MAGI2: variants seen among roughly 807,000 people sequenced by gnomAD.
MAGI2 encodes membrane-associated guanylate kinase, WW and PDZ domain-containing protein 2.
A neutral mutation model predicts 133.3 loss-of-function variants in MAGI2; 35 were observed. The observed-to-expected ratio is 0.26, with a 90% confidence interval of 0.20 to 0.35. The LOEUF is 0.35. MAGI2 is among the 10% of genes least tolerant of loss of function. The pLI is 1.00. For missense variants in MAGI2, 1,636 were observed against 1,863.4 expected, an observed-to-expected ratio of 0.88 and a Z score of 2.25; for synonymous variants, 729 against 710.6, an observed-to-expected ratio of 1.03 and a Z score of -0.41.
intron 1 of MAGI2, among the ~76,000 whole-genome samples, chr7:79,027,060 G>T (rs1809964028): frequency 6.6e-6 from 1 of 152,058 alleles, no homozygotes; most frequent in East Asian, 1.9e-4. Context: ...AAGTGTTGGT[G>T]GGGATGTGGT....
At chr7:78,469,523 G>A (rs1790973937) in intron 6 of MAGI2, among the ~76,000 whole-genome samples, 1 of 152,134 alleles carries the variant, frequency 6.6e-6, no homozygotes, top group East Asian at 1.9e-4. Flanking sequence ...TAATGAGACA[G>A]TATTGCTTTT....
chr7:78,981,860 T>G (rs1804817502), intron 2 of MAGI2, among the ~76,000 whole-genome samples: 1 of 151,902 alleles, frequency 6.6e-6, no homozygotes, highest in African/African-American at 2.4e-5. Flanking sequence ...GAAGCATATA[T>G]TTCTCATGGA....
intron 2 of MAGI2, among the ~76,000 whole-genome samples, chr7:78,629,746 C>T: frequency 6.6e-6 from 1 of 152,054 alleles, no homozygotes; most frequent in East Asian, 1.9e-4. Flanking sequence ...ATATTCCCAA[C>T]ATTTTCTATA....
intron 1 of MAGI2, among the ~76,000 whole-genome samples, chr7:79,061,323 G>A (rs896376300): frequency 3.3e-5 from 5 of 150,052 alleles, no homozygotes; most frequent in African/African-American, 9.8e-5. Flanking sequence ...TTTTTTTCTC[G>A]GGCCTTTCAT....
rs142931086 is a variant in MAGI2 at position 78,026,724 on chromosome 7, T to G, written c.3707-6748A>C. 6.7e-3 allele frequency among the ~76,000 whole-genome samples: 1,013 copies of G among 152,298 alleles called. 10 individuals carry two copies. The highest frequency in any genetic ancestry group is 0.023 in the African/African-American group (972 of 41,568). ...TGTCAGCTGTCCCATACCTCACCAG[T>G]GGCCTCAGGGCATCCAGCTTCAGGC... On this transcript the variant is annotated intron_variant, in intron 21 of 21. Transcript: ENST00000354212.
At chr7:79,003,680 A>G (rs1335566464) in intron 2 of MAGI2, among the ~76,000 whole-genome samples, 2 of 152,216 alleles carry the variant, frequency 1.3e-5, no homozygotes, top group East Asian at 1.9e-4. Context: ...TCATGGACAC[A>G]CTTCTACTGC....
At position 79,214,442 on chromosome 7, in the gene MAGI2, T is replaced by TATATATATATAA. The variant is rs1374232866; in HGVS notation, c.302-207237_302-207236insTTATATATATAT. 3.7e-4 allele frequency among the ~76,000 whole-genome samples: 41 copies of TATATATATATAA among 110,576 alleles called. 2 individuals carry two copies. The highest frequency in any genetic ancestry group is 6.4e-4 in the Non-Finnish European group (34 of 53,044). The allele number at this position is 110,576 out of a possible 152,430, so 72.5% of individuals were successfully genotyped here. ...ATATATATATATATATATATATATA[T>TATATATATATAA]AAATATGCACACACACACAAACATA... is the stretch of plus-strand genomic sequence containing the variant. On this transcript the variant is annotated intron_variant, in intron 1 of 21. Transcript: ENST00000354212.
intron 1 of MAGI2, among the ~76,000 whole-genome samples, chr7:79,106,726 A>G (rs10230267): frequency 0.039 from 5,916 of 152,284 alleles, 183 homozygotes; most frequent in Admixed American, 0.075. Flanking sequence ...GTGAAAATAA[A>G]TACATCCCAA....
intron 4 of MAGI2, among the ~76,000 whole-genome samples, chr7:78,506,104 G>A (rs553657761): frequency 2.6e-5 from 4 of 152,284 alleles, no homozygotes; most frequent in Admixed American, 1.3e-4. Flanking sequence ...GGATTTGAGG[G>A]TGGCAAGAGT....
chr7:78,314,251 T>A (rs1787177780), intron 9 of MAGI2, among the ~76,000 whole-genome samples: 1 of 152,216 alleles, frequency 6.6e-6, no homozygotes, highest in South Asian at 2.1e-4. Context: ...TTATATGATA[T>A]ACTCATAGGA....
rs372084737 is a variant in MAGI2 at position 78,357,608 on chromosome 7, G to C, written c.1103+11548C>G. 3.1e-4 allele frequency among the ~76,000 whole-genome samples: 47 copies of C among 152,324 alleles called. 1 individual carries two copies. In the East Asian group the frequency reaches 4.4e-3, roughly 14 times the overall value. On this transcript the variant is annotated intron_variant, in intron 7 of 21. Transcript: ENST00000354212. ...CCTTCATAGCTGAGTGTTGTGCTTA[G>C]TGGAAAGTTGAATTAAGATCTTTAC...
intron 6 of MAGI2, among the ~76,000 whole-genome samples, chr7:78,460,247 G>A (rs1179599401): frequency 1.3e-5 from 2 of 152,092 alleles, no homozygotes; most frequent in Non-Finnish European, 2.9e-5. Flanking sequence ...AAACAACTGA[G>A]TGCGCGAATC....
intron 9 of MAGI2, among the ~76,000 whole-genome samples, chr7:78,322,303 A>G (rs191838940): frequency 2.6e-5 from 4 of 152,312 alleles, no homozygotes; most frequent in African/African-American, 9.6e-5. Flanking sequence ...ATAAAGACAC[A>G]TTCACCCATA....
intron 3 of MAGI2, chr7:78,617,465 G>A (rs898605100): frequency 1.3e-5 from 2 of 151,868 alleles, no homozygotes; most frequent in East Asian, 1.9e-4. Flanking sequence ...AACCTATAAC[G>A]GATCTAAGAG....
rs1807544178 is a variant in MAGI2, at chr7:79,007,209, A to G, written c.302-3T>C. The G allele has an allele frequency of 1.3e-6, 2 of 1,570,180 alleles. No homozygotes were observed. The highest frequency in any genetic ancestry group is 1.4e-5 in the African/African-American group (1 of 72,898). On this transcript the variant is annotated splice_polypyrimidine_tract_variant and splice_region_variant and intron_variant, in intron 1 of 21. Coordinates refer to ENST00000354212, the MANE Select transcript of MAGI2 (RefSeq NM_012301.4). Reference sequence around the variant, plus strand: ...AAGGTCTTTATCAACAATTCCTCCTAAAAATAAAAAAAGTTTCTTGGTAAG... The same window carrying G: ...AAGGTCTTTATCAACAATTCCTCCTGAAAATAAAAAAAGTTTCTTGGTAAG...
intron 7 of MAGI2, chr7:78,359,558 T>A (rs777560459): frequency 5.9e-5 from 9 of 152,216 alleles, no homozygotes; most frequent in Non-Finnish European, 1.2e-4. Context: ...ATATCAAGTA[T>A]ATTTATATTT....
chr7:79,265,930 G>A (rs1054572805), intron 1 of MAGI2, among the ~76,000 whole-genome samples: 1 of 151,952 alleles, frequency 6.6e-6, no homozygotes, highest in Non-Finnish European at 1.5e-5. Flanking sequence ...GTGCTGTTTT[G>A]TAAGCTGAAA....
At chr7:78,809,794 T>A (rs1229915324) in intron 2 of MAGI2, among the ~76,000 whole-genome samples, 1 of 152,208 alleles carries the variant, frequency 6.6e-6, no homozygotes. Context: ...AATAATCATG[T>A]ACATTTGGCT....
chr7:78,324,947 CAA>C (rs1788436005), intron 9 of MAGI2, among the ~76,000 whole-genome samples: 1 of 152,104 alleles, frequency 6.6e-6, no homozygotes, highest in Admixed American at 6.5e-5. Context: ...GCCTGGGCGA[CAA>C]GAGCAAAACT....
Sources: allele counts gnomAD v4.1 joint callset (sites outside exome capture counted in the v4.1 genomes callset), GRCh38; gene constraint gnomAD v4.1.1; transcripts MANE v1.5; gene names NCBI Gene and HGNC (gene_info 2026-07-23, HGNC 2026-07-21).